The following SYNE1 variants were observed in gnomAD, a reference collection of about 807,000 sequenced individuals.
SYNE1 encodes spectrin repeat containing nuclear envelope protein 1.
In SYNE1, 616 loss-of-function variants were observed where a neutral mutation model predicts 1,111.0. That is an observed-to-expected ratio of 0.55 (90% confidence interval 0.52 to 0.59). SYNE1 has a LOEUF of 0.59. SYNE1 is among the 20% of genes least tolerant of loss of function. The probability of loss-of-function intolerance (pLI) is 0.00; values close to 1 mark genes in which losing one functional copy is unlikely to be tolerated. For synonymous variants in SYNE1, 3,855 were observed against 3,825.8 expected, an observed-to-expected ratio of 1.01 and a Z score of -0.28; for missense variants, 10,006 against 10,417.0, an observed-to-expected ratio of 0.96 and a Z score of 1.72.
chr6:152,401,849 G>A lies in SYNE1; in HGVS notation c.6826-508C>T, dbSNP rs2200845. Among the ~76,000 whole-genome samples, 281 of 152,250 alleles carry A rather than the reference G, an allele frequency of 1.8e-3. 6 individuals are homozygous for A. In the East Asian group the frequency reaches 0.048, roughly 26 times the overall value. On this transcript the variant is annotated intron_variant, in intron 46 of 145. Coordinates refer to ENST00000367255, the MANE Select transcript of SYNE1 (RefSeq NM_182961.4). ...CTGGATGATATAGCTGAGGAGGGTC[G>A]ACTTCTATGGCCCCCTAGTTAGTCA...
intron 137 of SYNE1, chr6:152,147,826 G>A (rs536275657): frequency 5.6e-5 from 31 of 553,380 alleles, no homozygotes; most frequent in African/African-American, 3.4e-4. Context: ...CTGGCAAAGC[G>A]CTTGTCACCT....
chr6:152,400,342 G>T (rs1361293138), intron 47 of SYNE1, among the ~76,000 whole-genome samples: 1 of 152,124 alleles, frequency 6.6e-6, no homozygotes, highest in African/African-American at 2.4e-5. Flanking sequence ...TAGCTAATTA[G>T]GAATGTTATC....
chr6:152,595,270 TG>T lies in SYNE1; in HGVS notation c.67+32994del, dbSNP rs747307528. On this transcript the variant is annotated intron_variant, in intron 3 of 145. Coordinates refer to ENST00000367255, the MANE Select transcript of SYNE1 (RefSeq NM_182961.4). Reference sequence around the variant, plus strand: ...TTGAACTCTCTTCTGAGCCCCAGCCTGTTCAATAAAACTGATTTCTCAACAT... The same window carrying T: ...TTGAACTCTCTTCTGAGCCCCAGCCTTTCAATAAAACTGATTTCTCAACAT... 6.2e-4 allele frequency among the ~76,000 whole-genome samples: 94 copies of T among 152,340 alleles called. No homozygotes were observed. The Middle Eastern group carries it at 0.017, about 28-fold the overall frequency.
At chr6:152,448,830 C>T (rs2154247504) in intron 28 of SYNE1, among the ~76,000 whole-genome samples, 1 of 150,956 alleles carries the variant, frequency 6.6e-6, no homozygotes, top group East Asian at 2.0e-4. Flanking sequence ...GTGACAGAGA[C>T]CTTGTCTCAA....
chr6:152,630,261 T>A (rs1198965257), intron 2 of SYNE1, among the ~76,000 whole-genome samples: 1 of 152,012 alleles, frequency 6.6e-6, no homozygotes, highest in African/African-American at 2.4e-5. Flanking sequence ...TGAATGGAAG[T>A]CATTGGTAGG....
chr6:152,450,906 C>T, intron 26 of SYNE1, 73 bp from the exon 27 acceptor site: 1 of 1,600,720 alleles, frequency 6.2e-7, no homozygotes, highest in Non-Finnish European at 8.6e-7. Flanking sequence ...ACAGAAAAAC[C>T]AAAGGAAGAT....
At chr6:152,341,519 C>T (rs561664482) in intron 74 of SYNE1, among the ~76,000 whole-genome samples, 72 of 152,284 alleles carry the variant, frequency 4.7e-4, no homozygotes, top group Admixed American at 4.4e-3. Flanking sequence ...GCACTCTGAA[C>T]GGAATCGAAT....
Position 152,353,712 on chromosome 6 carries a change from A to T in SYNE1, c.10959T>A (p.Asp3653Glu). ...CTCTAGCTCCCACTTCCTCAACTTC[A>T]TCTCTGTATGCAGTCACTTCTTCGT... Reference protein sequence around the residue: ...KWHEEVTAYRDEVEEVGARAQ... With the variant: ...KWHEEVTAYREEVEEVGARAQ... The change falls in exon 68 of 146, where the codon GAT becomes GAA. Residue 3653 changes from aspartate to glutamate, a missense_variant. Transcript: ENST00000367255. 6.2e-7 allele frequency: 1 copy of T among 1,614,028 alleles called. No homozygotes were observed. The highest frequency in any genetic ancestry group is 8.5e-7 in the Non-Finnish European group (1 of 1,180,024).
intron 3 of SYNE1, among the ~76,000 whole-genome samples, chr6:152,586,532 A>T (rs1200339690): frequency 6.6e-6 from 1 of 151,556 alleles, no homozygotes; most frequent in Non-Finnish European, 1.5e-5. Context: ...TTGCCATACC[A>T]CTTCTAATTA....
chr6:152,242,454 A>G lies in SYNE1; in HGVS notation c.19693-14T>C, dbSNP rs1562448799. On this transcript the variant is annotated splice_polypyrimidine_tract_variant and intron_variant, in intron 106 of 145. Transcript: ENST00000367255. ...ATCATACATGTCCTAAGAAGCAGAG[A>G]CCACAAGACTCACTCTCAATTCATA... The G allele has an allele frequency of 6.2e-7, 1 of 1,613,688 alleles. No individual in the cohort carries two copies. The highest frequency in any genetic ancestry group is 2.2e-5 in the East Asian group (1 of 44,856).
In SYNE1 at chr6:152,498,779, C is replaced by A; in HGVS notation, c.902G>T (p.Gly301Val). ...TACAGAATTTGCAAAAGATGGGAAA[C>A]CTGGAAGTATTTCCTAACAATATGA... ...DGQEDDEILP[G>V]FPSFANSVQN... Residue 301 changes from glycine (G) to valine (V), a missense_variant, in exon 11 of 146, where the codon GGT (glycine) becomes GTT (valine). By Grantham distance (109) the Gly-to-Val change is moderately radical. Around this residue, in one of 7 missense-constraint regions of SYNE1, gnomAD observed 1,971 missense variants for 2,084.1 expected, o/e 0.95. Transcript: ENST00000367255. 1.9e-6 allele frequency: 3 copies of A among 1,545,808 alleles called. No individual in the cohort carries two copies. Among genetic ancestry groups the A allele is most frequent in the South Asian group, 1.2e-5 (1 of 81,374 alleles).
chr6:152,404,207 G>A lies in SYNE1; in HGVS notation c.6825+6C>T, dbSNP rs1329158951. On this transcript the variant is annotated splice_donor_region_variant and intron_variant, in intron 46 of 145. Transcript: ENST00000367255. ...GGAAGTCTAGTAGTTATTACAAAAT[G>A]CTTACCTGAAGGTCTGGCGGTGTTT... 1 of 1,607,476 alleles carries A rather than the reference G, an allele frequency of 6.2e-7. No individual in the cohort carries two copies. The highest frequency in any genetic ancestry group is 1.7e-5 in the Admixed American group (1 of 59,912).
chr6:152,348,569 C>T (rs2096681842), intron 72 of SYNE1, among the ~76,000 whole-genome samples: 1 of 152,044 alleles, frequency 6.6e-6, no homozygotes, highest in South Asian at 2.1e-4. Flanking sequence ...CCTATAATCT[C>T]AGCTACTTGG....
chr6:152,403,878 A>G (rs2097855349), intron 46 of SYNE1, among the ~76,000 whole-genome samples: 1 of 152,126 alleles, frequency 6.6e-6, no homozygotes, highest in Non-Finnish European at 1.5e-5. Flanking sequence ...TTCGAGTTGG[A>G]AATATGCTAT....
intron 59 of SYNE1, among the ~76,000 whole-genome samples, chr6:152,369,902 G>C (rs1164617693): frequency 1.5e-5 from 2 of 135,370 alleles, no homozygotes; most frequent in East Asian, 4.8e-4. Context: ...AGAATTGCTT[G>C]AATCCAGGAG....
At chr6:152,453,471 A>G (rs2098668272) in intron 25 of SYNE1, 115 bp downstream of exon 25, 1 of 1,507,266 alleles carries the variant, frequency 6.6e-7, no homozygotes, top group African/African-American at 1.4e-5. Flanking sequence ...AATGAGCGAA[A>G]TAGTTACAGT....
intron 11 of SYNE1, among the ~76,000 whole-genome samples, chr6:152,496,280 A>C (rs1210703505): frequency 6.6e-6 from 1 of 152,144 alleles, no homozygotes; most frequent in Non-Finnish European, 1.5e-5. Context: ...GTATATTTTT[A>C]AATGAAGAGT....
At chr6:152,190,339 A>T (rs1300835249) in intron 127 of SYNE1, among the ~76,000 whole-genome samples, 2 of 152,166 alleles carry the variant, frequency 1.3e-5, no homozygotes, top group African/African-American at 2.4e-5. Flanking sequence ...TGAAGTCTTG[A>T]ACCCCCTCAA....
intron 56 of SYNE1, among the ~76,000 whole-genome samples, chr6:152,377,719 G>C (rs1315287722): frequency 1.6e-5 from 2 of 125,396 alleles, no homozygotes; most frequent in Non-Finnish European, 3.2e-5. Context: ...TGTATATACA[G>C]TTAACTTTTA....
Sources: allele counts gnomAD v4.1 joint callset (sites outside exome capture counted in the v4.1 genomes callset), GRCh38; gene constraint gnomAD v4.1.1; regional missense constraint gnomAD v4.1.1; transcripts MANE v1.5; gene names NCBI Gene and HGNC (gene_info 2026-07-23, HGNC 2026-07-21).